C8orf34: variants seen among roughly 807,000 people sequenced by gnomAD.
C8orf34 encodes the protein uncharacterized protein C8orf34.
C8orf34 carries 65 observed loss-of-function variants against 68.3 expected under a neutral mutation model. The observed-to-expected ratio is 0.95, with a 90% CI of 0.78 to 1.17. The LOEUF is 1.17. C8orf34 is among the 50% of genes most tolerant of loss of function. The probability of loss-of-function intolerance (pLI) is 0.00; values close to 1 mark genes in which losing one functional copy is unlikely to be tolerated. For synonymous variants in C8orf34, 244 were observed against 241.2 expected, an observed-to-expected ratio of 1.01 and a Z score of -0.11; for missense variants, 664 against 655.4, an observed-to-expected ratio of 1.01 and a Z score of -0.14.
chr8:68,398,500 A>AT (rs1025806778), intron 1 of C8orf34, among the ~76,000 whole-genome samples: 33 of 151,870 alleles, frequency 2.2e-4, no homozygotes, highest in African/African-American at 4.1e-4. Flanking sequence ...AAAATAAAGT[A>AT]TTTTTTTTGG....
At chr8:68,483,419 A>G (rs1812943757) in intron 4 of C8orf34, among the ~76,000 whole-genome samples, 1 of 152,166 alleles carries the variant, frequency 6.6e-6, no homozygotes, top group East Asian at 1.9e-4. Context: ...AGGTTGCAAG[A>G]CAAGGTGACT....
rs551041703 is a variant in C8orf34 at position 68,560,611 on chromosome 8, C to T, written c.1105+27462C>T. Among the ~76,000 whole-genome samples, 3 of 152,288 alleles carry T rather than the reference C, an allele frequency of 2.0e-5. No individual in the cohort carries two copies. In the South Asian group the frequency reaches 6.2e-4, roughly 32 times the overall value. Reference sequence around the variant, plus strand: ...GGCAGAGCCTATTGCTCCTATAAACCTGTACAACATGTTATTCTACTGAAT... The same window carrying T: ...GGCAGAGCCTATTGCTCCTATAAACTTGTACAACATGTTATTCTACTGAAT... On this transcript the variant is annotated intron_variant, in intron 7 of 13. Coordinates refer to ENST00000518698, the MANE Select transcript of C8orf34 (RefSeq NM_052958.4).
chr8:68,423,140 C>T (rs1384625245), intron 1 of C8orf34, among the ~76,000 whole-genome samples: 1 of 152,184 alleles, frequency 6.6e-6, no homozygotes, highest in East Asian at 1.9e-4. Context: ...CTTCTCACTA[C>T]TTATGCAAAT....
intron 9 of C8orf34, among the ~76,000 whole-genome samples, chr8:68,721,147 A>G (rs574637469): frequency 1.3e-5 from 2 of 152,078 alleles, no homozygotes; most frequent in South Asian, 4.1e-4. Flanking sequence ...CATTCCTGAC[A>G]TTATTGTGCC....
intron 1 of C8orf34, among the ~76,000 whole-genome samples, chr8:68,404,631 A>C (rs1054028342): frequency 1.3e-5 from 2 of 152,150 alleles, no homozygotes; most frequent in Non-Finnish European, 2.9e-5. Flanking sequence ...TTAAATAGGG[A>C]ATCCTTTCCC....
chr8:68,481,054 A>C (rs1317099904), intron 4 of C8orf34, among the ~76,000 whole-genome samples: 1 of 152,164 alleles, frequency 6.6e-6, no homozygotes, highest in Non-Finnish European at 1.5e-5. Flanking sequence ...CTCCCATCAC[A>C]GGCCTAGAGG....
intron 10 of C8orf34, among the ~76,000 whole-genome samples, chr8:68,755,846 G>A (rs539911157): frequency 6.6e-6 from 1 of 151,970 alleles, no homozygotes; most frequent in Non-Finnish European, 1.5e-5. Context: ...TGGATCACGA[G>A]GTCAGGAGGT....
intron 1 of C8orf34, among the ~76,000 whole-genome samples, chr8:68,403,960 C>G (rs1195909276): frequency 6.6e-6 from 1 of 152,190 alleles, no homozygotes; most frequent in African/African-American, 2.4e-5. Context: ...AATGGCTACA[C>G]TGTCTTCCAC....
intron 1 of C8orf34, among the ~76,000 whole-genome samples, chr8:68,380,218 G>A (rs543270880): frequency 2.6e-5 from 4 of 152,162 alleles, no homozygotes; most frequent in Non-Finnish European, 5.9e-5. Context: ...TGTCTTTGAA[G>A]CCATTAAGAC....
intron 5 of C8orf34, among the ~76,000 whole-genome samples, chr8:68,488,425 T>C (rs1267665142): frequency 2.6e-5 from 4 of 152,220 alleles, no homozygotes; most frequent in Admixed American, 2.0e-4. Flanking sequence ...TTTGGAAACC[T>C]TACCAATAAA....
chr8:68,797,848 G>A (rs1264026833), intron 12 of C8orf34, among the ~76,000 whole-genome samples: 1 of 152,152 alleles, frequency 6.6e-6, no homozygotes, highest in Non-Finnish European at 1.5e-5. Context: ...AGAGATTTGG[G>A]TATACATTTC....
At chr8:68,691,204 A>G (rs1820675736) in intron 8 of C8orf34, among the ~76,000 whole-genome samples, 1 of 152,000 alleles carries the variant, frequency 6.6e-6, no homozygotes, top group Non-Finnish European at 1.5e-5. Context: ...ATTGTTTGCA[A>G]ATTGAAGGTT....
chr8:68,574,260 C>A (rs1816839699), intron 7 of C8orf34, among the ~76,000 whole-genome samples: 1 of 151,838 alleles, frequency 6.6e-6, no homozygotes, highest in Non-Finnish European at 1.5e-5. Flanking sequence ...GAAAAAATGA[C>A]AAAAATATTA....
At chr8:68,410,438 G>C (rs572036481) in intron 1 of C8orf34, among the ~76,000 whole-genome samples, 1 of 152,274 alleles carries the variant, frequency 6.6e-6, no homozygotes, top group South Asian at 2.1e-4. Flanking sequence ...GTAATCTAGA[G>C]ATCATTTAAA....
At chr8:68,474,964 G>A (rs2129630398) in intron 4 of C8orf34, among the ~76,000 whole-genome samples, 1 of 152,296 alleles carries the variant, frequency 6.6e-6, no homozygotes, top group East Asian at 1.9e-4. Context: ...TAAAGTGAAA[G>A]CCTGACATTC....
At chr8:68,764,209 T>A (rs930395807) in intron 10 of C8orf34, among the ~76,000 whole-genome samples, 7 of 152,212 alleles carry the variant, frequency 4.6e-5, no homozygotes, top group Non-Finnish European at 8.8e-5. Flanking sequence ...AGTTAGAGGT[T>A]AGCACCTACC....
chr8:68,632,431 G>T (rs1818716922), intron 7 of C8orf34, among the ~76,000 whole-genome samples: 1 of 152,118 alleles, frequency 6.6e-6, no homozygotes, highest in African/African-American at 2.4e-5. Flanking sequence ...AAGTTAAAGG[G>T]AAGCAGACCG....
At chr8:68,523,985 C>T (rs1459822814) in intron 6 of C8orf34, among the ~76,000 whole-genome samples, 4 of 152,196 alleles carry the variant, frequency 2.6e-5, no homozygotes, top group Non-Finnish European at 5.9e-5. Context: ...ACATCTGTTA[C>T]ATGAGTGACA....
intron 2 of C8orf34, among the ~76,000 whole-genome samples, chr8:68,442,745 T>C (rs921388835): frequency 3.3e-5 from 5 of 152,096 alleles, no homozygotes; most frequent in Non-Finnish European, 5.9e-5. Context: ...GTAGCAGCAA[T>C]ATCAGGGAAA....
Sources: gnomAD v4.1 joint callset for allele counts (sites outside exome capture counted in the v4.1 genomes callset) on GRCh38, gnomAD v4.1.1 for gene constraint, MANE v1.5 for transcripts, NCBI Gene and HGNC (gene_info 2026-07-23, HGNC 2026-07-21) for gene names.